PPP1R1B: variants seen among roughly 807,000 people sequenced by gnomAD.
The protein encoded by PPP1R1B is protein phosphatase 1 regulatory inhibitor subunit 1B.
A neutral mutation model predicts 28.2 loss-of-function variants in PPP1R1B; 13 were observed. The ratio of observed to expected loss-of-function variants is 0.46; its 90% CI spans 0.30 to 0.73. The LOEUF (loss-of-function observed/expected upper bound fraction) is 0.73, where lower values mean the gene tolerates loss of function less well. Ranked by LOEUF, PPP1R1B falls within the 30% of genes least tolerant of loss-of-function variation. PPP1R1B has a pLI of 0.07. For missense variants in PPP1R1B, 236 were observed against 256.7 expected (o/e 0.92, Z 0.55); for synonymous variants, 102 against 97.5 (o/e 1.05, Z -0.27).
In PPP1R1B at chr17:39,627,435, G is replaced by A. The variant is rs2056845609; in HGVS notation, c.43G>A (p.Ala15Thr). ...CAAGAAGATCCAGTTCTCGGTGCCCGCGCCCCCTAGCCAGCTCGACCCCCG... is the reference window on the plus strand; with the variant it reads ...CAAGAAGATCCAGTTCTCGGTGCCCACGCCCCCTAGCCAGCTCGACCCCCG... ...DRKKIQFSVP[A>T]PPSQLDPRQV... is the part of the protein sequence containing the mutation. Residue 15 changes from alanine (A) to threonine (T), a missense_variant, in exon 1 of 7, where the codon GCG becomes ACG. Ala to Thr is a moderately conservative substitution (Grantham distance 58, BLOSUM62 0). Coordinates refer to ENST00000254079, the MANE Select transcript of PPP1R1B (RefSeq NM_032192.4). The A allele has an allele frequency of 1.2e-6, 2 of 1,602,408 alleles. No individual in the cohort carries two copies. The highest frequency in any genetic ancestry group is 1.7e-6 in the Non-Finnish European group (2 of 1,175,860).
chr17:39,630,463 G>A, intron 4 of PPP1R1B: 1 of 205,414 alleles, frequency 4.9e-6, no homozygotes, highest in Non-Finnish European at 1.0e-5. Context: ...GCACAGATCT[G>A]CACACTGGTC....
chr17:39,633,956 G>C lies in PPP1R1B; in HGVS notation c.315G>C (p.Glu105Asp). The change falls in exon 5 of 7, where the codon GAG becomes GAC. Residue 105 changes from glutamate (E) to aspartate (D), a missense_variant. Transcript: ENST00000254079. ...NLNENQASEEEDELGELRELG... is the reference protein window; with the variant it reads ...NLNENQASEEDDELGELRELG... ...ATGAGAACCAGGCCTCAGAGGAGGA[G>C]GATGAGCTGGGGGAGCTTCGGGAGC... The C allele has an allele frequency of 1.2e-6, 2 of 1,613,962 alleles. No homozygotes were observed. The highest frequency in any genetic ancestry group is 1.7e-6 in the Non-Finnish European group (2 of 1,179,910).
intron 4 of PPP1R1B, 200 bp from the exon 5 acceptor site, chr17:39,633,683 T>G: frequency 7.6e-6 from 6 of 789,496 alleles, no homozygotes; most frequent in Non-Finnish European, 1.2e-5. Context: ...CATGATCAAA[T>G]CTACCCCTGG....
In PPP1R1B at chr17:39,633,895, T is replaced by C; in HGVS notation, c.254T>C (p.Ile85Thr). ...TPPSLKAVQR[I>T]AESHLQSISN... is the part of the protein sequence containing the mutation. ...TCCTCTGTGCCAGCTGTGCAGCGCA[T>C]TGCTGAGTCTCACCTGCAGTCTATC... Residue 85 changes from isoleucine (I) to threonine (T), a missense_variant, in exon 5 of 7, where the codon ATT (isoleucine) becomes ACT (threonine). Physicochemically the swap from Ile to Thr is moderately conservative, Grantham distance 89. Transcript: ENST00000254079. 6.2e-7 allele frequency: 1 copy of C among 1,613,686 alleles called. No individual in the cohort carries two copies. The highest frequency in any genetic ancestry group is 8.5e-7 in the Non-Finnish European group (1 of 1,179,790).
chr17:39,635,598 C>G lies in PPP1R1B; in HGVS notation c.446-9C>G, dbSNP rs757715655. 6 of 1,612,392 alleles carry G rather than the reference C, an allele frequency of 3.7e-6. No individual in the cohort carries two copies. In the South Asian group the frequency reaches 6.6e-5, roughly 18 times the overall value. On this transcript the variant is annotated splice_polypyrimidine_tract_variant and intron_variant, in intron 5 of 6. Transcript: ENST00000254079. ...GCCTGTGTTCTTATCTCTTCTTTCC[C>G]ATCCCCAGCTGGGCAAAAGACAACC...
In PPP1R1B at chr17:39,635,715, C is replaced by G; in HGVS notation, c.554C>G (p.Pro185Arg). 6.2e-7 allele frequency: 1 copy of G among 1,614,072 alleles called. No homozygotes were observed. Among genetic ancestry groups the G allele is most frequent in the Admixed American group, 1.7e-5 (1 of 60,020 alleles). Residue 185 changes from proline to arginine, a missense_variant, in exon 6 of 7, where the codon CCA becomes CGA. Pro to Arg is a moderately radical substitution (Grantham distance 103). Transcript: ENST00000254079. ...GGCTCTGAGGACCAAGTGGAAGACC[C>G]AGCACTAAGTGGTAAGGCTTGGGAG... is the stretch of plus-strand genomic sequence containing the variant. ...DGGSEDQVED[P>R]ALSEPGEEPQ...
intron 4 of PPP1R1B, 82 bp downstream of exon 4, chr17:39,630,129 G>T (rs1284481747): frequency 7.5e-7 from 1 of 1,334,028 alleles, no homozygotes; most frequent in East Asian, 2.3e-5. Flanking sequence ...TTGTCAGTGG[G>T]GAGGGATTGT....
chr17:39,636,152 C>CG lies in PPP1R1B; in HGVS notation c.*290dup. 2.1e-6 allele frequency: 1 copy of CG among 474,138 alleles called. No homozygotes were observed. 29.4% of individuals were successfully genotyped at this position (474,138 alleles called of 1,614,324 possible). On this transcript the variant is annotated 3_prime_UTR_variant, in exon 7 of 7. Coordinates refer to ENST00000254079, the MANE Select transcript of PPP1R1B (RefSeq NM_032192.4). ...GCCCACATTGGAAAATCCAGAAAACCGGGAACAGGGATTTGCCCTTCACAA... is the reference window on the plus strand; with the variant it reads ...GCCCACATTGGAAAATCCAGAAAACCGGGGAACAGGGATTTGCCCTTCACAA...
chr17:39,628,578 G>C, intron 1 of PPP1R1B: 1 of 986,064 alleles, frequency 1.0e-6, no homozygotes, highest in African/African-American at 1.7e-5. Context: ...AAGGCCCCCA[G>C]AGAGGTCCCC....
In PPP1R1B at chr17:39,627,764, G is replaced by GT. The variant is rs549689343; in HGVS notation, c.81+292dup. Among the ~76,000 whole-genome samples, 23 of 152,216 alleles carry GT rather than the reference G, an allele frequency of 1.5e-4. No individual in the cohort carries two copies. The East Asian group carries it at 2.5e-3, about 17-fold the overall frequency. ...CGATTCCAGACCGCCCAGGAGTGGG[G>GT]TGGGGGCGTCCTTTGGTCCCAGCAC... On this transcript the variant is annotated intron_variant, in intron 1 of 6. Coordinates refer to ENST00000254079, the MANE Select transcript of PPP1R1B (RefSeq NM_032192.4).
chr17:39,630,507 G>T, intron 4 of PPP1R1B: 1 of 175,592 alleles, frequency 5.7e-6, no homozygotes, highest in South Asian at 1.3e-4. Context: ...CCATGGAAAA[G>T]CAAGCCATTC....
In PPP1R1B at chr17:39,633,872, CTCT is replaced by C. The variant is rs754390025; in HGVS notation, c.242-10_242-8del. ...GCTGACCCTTGCTTTCCTCGGTCTC[CTCT>C]GTGCCAGCTGTGCAGCGCATTGCTG... On this transcript the variant is annotated splice_polypyrimidine_tract_variant and splice_region_variant and intron_variant, in intron 4 of 6. Coordinates refer to ENST00000254079, the MANE Select transcript of PPP1R1B (RefSeq NM_032192.4). 3 of 1,613,154 alleles carry C rather than the reference CTCT, an allele frequency of 1.9e-6. No individual in the cohort carries two copies. The African/African-American group carries it at 4.0e-5, about 22-fold the overall frequency.
chr17:39,629,297 C>A (rs1349457434), intron 2 of PPP1R1B, 67 bp downstream of exon 2: 1 of 1,516,234 alleles, frequency 6.6e-7, no homozygotes, highest in Admixed American at 1.7e-5. Context: ...AGGGGCCCTG[C>A]CAAAGTCCCA....
intron 1 of PPP1R1B, among the ~76,000 whole-genome samples, chr17:39,627,689 A>C (rs1276283243): frequency 6.6e-6 from 1 of 151,344 alleles, no homozygotes; most frequent in Non-Finnish European, 1.5e-5. Context: ...ATCCCGGGGC[A>C]AGAGAGTTCC....
intron 1 of PPP1R1B, among the ~76,000 whole-genome samples, chr17:39,627,727 G>T (rs369128288): frequency 2.0e-5 from 3 of 151,960 alleles, no homozygotes; most frequent in East Asian, 1.9e-4. Flanking sequence ...GTGCGGGGGT[G>T]GGGGGACAGG....
intron 5 of PPP1R1B, among the ~76,000 whole-genome samples, chr17:39,635,216 A>G (rs185861589): frequency 6.6e-6 from 1 of 152,032 alleles, no homozygotes; most frequent in East Asian, 1.9e-4. Context: ...ACAAAAAACC[A>G]AAACAAAACA....
intron 1 of PPP1R1B, 114 bp from the exon 2 acceptor site, chr17:39,629,056 G>A (rs2056856769): frequency 1.1e-6 from 1 of 948,716 alleles, no homozygotes; most frequent in Non-Finnish European, 1.6e-6. Flanking sequence ...GGCTCTGACA[G>A]ACTTTGATTC....
Position 39,627,228 on chromosome 17 carries a change from G to C in PPP1R1B, c.-165G>C, listed in dbSNP as rs1451982264. On this transcript the variant is annotated 5_prime_UTR_variant, in exon 1 of 7. Coordinates refer to ENST00000254079, the MANE Select transcript of PPP1R1B (RefSeq NM_032192.4). Reference sequence around the variant, plus strand: ...CAGCCCGGGCGCCGACCCTCCTCCCGCTCCCGCGCCCTCCCCTCGGCGGGC... The same window carrying C: ...CAGCCCGGGCGCCGACCCTCCTCCCCCTCCCGCGCCCTCCCCTCGGCGGGC... 3 of 529,466 alleles carry C rather than the reference G, an allele frequency of 5.7e-6. No homozygotes were observed. In the East Asian group the frequency reaches 1.1e-4, roughly 19 times the overall value. 32.8% of individuals were successfully genotyped at this position (529,466 alleles called of 1,614,324 possible). A position where few individuals can be genotyped will look rare whatever the true frequency, so the allele number is the denominator to read the frequency against.
Position 39,627,221 on chromosome 17 carries a change from T to C in PPP1R1B, c.-172T>C. The C allele has an allele frequency of 2.0e-6, 1 of 506,840 alleles. No homozygotes were observed. The highest frequency in any genetic ancestry group is 3.4e-6 in the Non-Finnish European group (1 of 296,412). The allele number at this position is 506,840 out of a possible 1,614,324, so 31.4% of individuals were successfully genotyped here. ...GCGCGCCCAGCCCGGGCGCCGACCC[T>C]CCTCCCGCTCCCGCGCCCTCCCCTC... On this transcript the variant is annotated 5_prime_UTR_variant, in exon 1 of 7. Transcript: ENST00000254079.
Sources: allele counts gnomAD v4.1 joint callset (sites outside exome capture counted in the v4.1 genomes callset), GRCh38; gene constraint gnomAD v4.1.1; transcripts MANE v1.5; gene names NCBI Gene and HGNC (gene_info 2026-07-23, HGNC 2026-07-21).